Variants in SLCO6A1 observed in about 807,000 individuals in gnomAD.
The protein encoded by SLCO6A1 is cancer/testis antigen 48.
SLCO6A1 carries 65 observed loss-of-function variants against 72.7 expected under a neutral mutation model. That is an observed-to-expected ratio of 0.89 (90% CI 0.73 to 1.10). SLCO6A1 has a LOEUF of 1.10. Among genes scored for constraint, SLCO6A1 ranks in the 50% least tolerant of loss-of-function variants. SLCO6A1 has a pLI of 0.00. For missense variants in SLCO6A1, 874 were observed against 872.6 expected, an observed-to-expected ratio of 1.00 and a Z score of -0.02; for synonymous variants, 314 against 298.2, an observed-to-expected ratio of 1.05 and a Z score of -0.55.
At chr5:102,472,846 A>G (rs1011556786) in intron 4 of SLCO6A1, among the ~76,000 whole-genome samples, 1 of 152,074 alleles carries the variant, frequency 6.6e-6, no homozygotes, top group Admixed American at 6.6e-5. Context: ...AACTACTATG[A>G]ATAATTATAT....
intron 7 of SLCO6A1, among the ~76,000 whole-genome samples, chr5:102,420,841 T>C (rs910837108): frequency 6.6e-6 from 1 of 151,986 alleles, no homozygotes; most frequent in Non-Finnish European, 1.5e-5. Context: ...ATAAATGACA[T>C]AAAGAGCTCC....
At chr5:102,449,389 C>T (rs978645918) in intron 6 of SLCO6A1, among the ~76,000 whole-genome samples, 3 of 103,504 alleles carry the variant, frequency 2.9e-5, no homozygotes, top group Admixed American at 1.9e-4. Context: ...TTTGAATTTC[C>T]TGATTTTTTT....
chr5:102,443,084 C>T (rs1299868713), intron 6 of SLCO6A1, among the ~76,000 whole-genome samples: 1 of 152,116 alleles, frequency 6.6e-6, no homozygotes, highest in Non-Finnish European at 1.5e-5. Flanking sequence ...GTTGTCCCAG[C>T]TACTCGGGAG....
intron 7 of SLCO6A1, among the ~76,000 whole-genome samples, chr5:102,424,344 G>T (rs374785682): frequency 2.8e-4 from 43 of 151,998 alleles, no homozygotes; most frequent in Middle Eastern, 3.4e-3. Flanking sequence ...CTAGTTTTTT[G>T]AAAAGATTAA....
chr5:102,463,974 G>C (rs910947581), intron 4 of SLCO6A1, among the ~76,000 whole-genome samples: 1 of 152,026 alleles, frequency 6.6e-6, no homozygotes, highest in East Asian at 1.9e-4. Flanking sequence ...TCACTCATTA[G>C]TGGGAGCTAA....
At chr5:102,417,810 T>C (rs1748370214) in intron 8 of SLCO6A1, among the ~76,000 whole-genome samples, 1 of 152,046 alleles carries the variant, frequency 6.6e-6, no homozygotes, top group South Asian at 2.1e-4. Flanking sequence ...CTGGCCAATA[T>C]GGTGAACCCT....
In SLCO6A1 at chr5:102,481,280, G is replaced by A. The variant is rs111368434; in HGVS notation, c.359-846C>T. On this transcript the variant is annotated intron_variant, in intron 1 of 13. Transcript: ENST00000506729. ...GAGCCCACAGTCTTCCTATGACAGGGAGCTCACCTGCTGATTTTGATGCCC... is the reference window on the plus strand; with the variant it reads ...GAGCCCACAGTCTTCCTATGACAGGAAGCTCACCTGCTGATTTTGATGCCC... 6.8e-3 allele frequency among the ~76,000 whole-genome samples: 1,034 copies of A among 152,180 alleles called. 9 individuals are homozygous for A. The highest frequency in any genetic ancestry group is 0.024 in the African/African-American group (984 of 41,526).
intron 1 of SLCO6A1, among the ~76,000 whole-genome samples, chr5:102,488,164 T>C (rs1320510494): frequency 1.3e-5 from 2 of 152,136 alleles, no homozygotes; most frequent in Admixed American, 6.5e-5. Flanking sequence ...TTTATAATGA[T>C]AAAGAGTATA....
intron 4 of SLCO6A1, among the ~76,000 whole-genome samples, chr5:102,462,633 G>A (rs1751097336): frequency 6.6e-6 from 1 of 152,092 alleles, no homozygotes; most frequent in Admixed American, 6.6e-5. Context: ...ATTTTAATCG[G>A]GGAAAGGACG....
chr5:102,455,543 T>C (rs1375233604), intron 6 of SLCO6A1, among the ~76,000 whole-genome samples: 2 of 152,154 alleles, frequency 1.3e-5, no homozygotes, highest in Non-Finnish European at 2.9e-5. Context: ...TCATTTAATA[T>C]TGAGATATTT....
intron 1 of SLCO6A1, among the ~76,000 whole-genome samples, chr5:102,484,365 A>C (rs1752347004): frequency 6.6e-6 from 1 of 152,152 alleles, no homozygotes; most frequent in South Asian, 2.1e-4. Flanking sequence ...AAGTCATATT[A>C]CTGGCTGGGT....
intron 6 of SLCO6A1, among the ~76,000 whole-genome samples, chr5:102,456,722 T>C (rs1180876077): frequency 2.6e-5 from 4 of 152,134 alleles, no homozygotes; most frequent in Non-Finnish European, 5.9e-5. Flanking sequence ...AAGCTACCAA[T>C]GACTTTCTTC....
intron 1 of SLCO6A1, among the ~76,000 whole-genome samples, chr5:102,493,195 A>AT (rs1330286518): frequency 1.3e-5 from 2 of 152,212 alleles, no homozygotes; most frequent in Non-Finnish European, 2.9e-5. Context: ...CTAAAGACAG[A>AT]TAAAAACACT....
At chr5:102,468,899 C>T (rs1751448609) in intron 4 of SLCO6A1, among the ~76,000 whole-genome samples, 1 of 152,146 alleles carries the variant, frequency 6.6e-6, no homozygotes, top group Non-Finnish European at 1.5e-5. Context: ...TTTCCCAGCA[C>T]CATTTATTAA....
intron 7 of SLCO6A1, among the ~76,000 whole-genome samples, chr5:102,431,217 CATTGTTCCTTTGA>C (rs1192194903): frequency 6.6e-6 from 1 of 151,980 alleles, no homozygotes; most frequent in Admixed American, 6.6e-5. Context: ...CTCTTGGATT[CATTGTTCCTTTGA>C]ATGTTTTTTT....
At chr5:102,398,900 C>A (rs1282911725) in intron 10 of SLCO6A1, among the ~76,000 whole-genome samples, 1 of 151,856 alleles carries the variant, frequency 6.6e-6, no homozygotes. Context: ...TCCAAATCAA[C>A]TCAGATAGAA....
chr5:102,451,505 T>C (rs780417363), intron 6 of SLCO6A1, among the ~76,000 whole-genome samples: 8 of 152,214 alleles, frequency 5.3e-5, no homozygotes, highest in Admixed American at 5.2e-4. Context: ...GGATTTGGCA[T>C]GTACCTGAAC....
chr5:102,455,015 T>TAA (rs1298540277), intron 6 of SLCO6A1, among the ~76,000 whole-genome samples: 1 of 97,846 alleles, frequency 1.0e-5, no homozygotes, highest in Non-Finnish European at 2.3e-5. Flanking sequence ...TAAATATATA[T>TAA]ATATATATAT....
intron 1 of SLCO6A1, among the ~76,000 whole-genome samples, chr5:102,493,553 G>C (rs1341803151): frequency 6.6e-6 from 1 of 152,054 alleles, no homozygotes; most frequent in Non-Finnish European, 1.5e-5. Context: ...ACTGTGAAAG[G>C]CTGAATTTTT....
Sources: allele counts gnomAD v4.1 joint callset (sites outside exome capture counted in the v4.1 genomes callset), GRCh38; gene constraint gnomAD v4.1.1; transcripts MANE v1.5; gene names NCBI Gene and HGNC (gene_info 2026-07-23, HGNC 2026-07-21).